Variants in SLC22A15 observed in about 807,000 individuals in gnomAD.
SLC22A15 encodes the protein solute carrier family 22 member 15.
SLC22A15 carries 45 observed loss-of-function variants against 62.7 expected under a neutral mutation model. That is an observed-to-expected ratio of 0.72 (90% CI 0.56 to 0.92). SLC22A15 has a LOEUF of 0.92. Ranked by LOEUF, SLC22A15 falls within the 40% of genes least tolerant of loss-of-function variation. The pLI, the probability that SLC22A15 is intolerant of heterozygous loss-of-function variation, is 0.00. For missense variants in SLC22A15, 622 were observed against 665.6 expected, an observed-to-expected ratio of 0.93 and a Z score of 0.72; for synonymous variants, 264 against 267.0, an observed-to-expected ratio of 0.99 and a Z score of 0.11.
At chr1:116,048,274 A>G (rs1397361960) in intron 8 of SLC22A15, among the ~76,000 whole-genome samples, 1 of 152,198 alleles carries the variant, frequency 6.6e-6, no homozygotes, top group Non-Finnish European at 1.5e-5. Context: ...ACCTAGGCCC[A>G]TTGTCATCAG....
chr1:116,038,792 A>G (rs1255579022), intron 8 of SLC22A15, among the ~76,000 whole-genome samples: 1 of 151,896 alleles, frequency 6.6e-6, no homozygotes, highest in African/African-American at 2.4e-5. Flanking sequence ...TTTTTTTTTT[A>G]AGCTGCAATA....
chr1:116,066,926 A>G (rs1658513768), intron 11 of SLC22A15, 93 bp from the exon 12 acceptor site: 1 of 1,068,204 alleles, frequency 9.4e-7, no homozygotes, highest in Non-Finnish European at 1.4e-6. Flanking sequence ...ATGTCATATA[A>G]ATACATTTGT....
intron 2 of SLC22A15, among the ~76,000 whole-genome samples, chr1:116,013,535 T>C (rs939710963): frequency 5.9e-5 from 9 of 152,322 alleles, no homozygotes; most frequent in Admixed American, 2.0e-4. Context: ...TATCTGGTTA[T>C]AAGATATGGC....
At chr1:115,996,071 C>T (rs1354643333) in intron 2 of SLC22A15, among the ~76,000 whole-genome samples, 6 of 152,144 alleles carry the variant, frequency 3.9e-5, no homozygotes, top group African/African-American at 9.7e-5. Flanking sequence ...TTTTCTTAAT[C>T]GCTAGTAACC....
chr1:116,020,922 CA>C, intron 4 of SLC22A15, 37 bp downstream of exon 4: 1 of 1,536,356 alleles, frequency 6.5e-7, no homozygotes, highest in Non-Finnish European at 8.8e-7. Context: ...ACTGGGTGAG[CA>C]GCTCCAGAAA....
chr1:116,020,815 T>C lies in SLC22A15; in HGVS notation c.528T>C (p.Asn176=), dbSNP rs746006479. The C allele has an allele frequency of 1.9e-5, 31 of 1,613,854 alleles. No individual in the cohort carries two copies. Among genetic ancestry groups the C allele is most frequent in the Non-Finnish European group, 2.4e-5 (28 of 1,179,806 alleles). The stretch of plus-strand genomic sequence containing the variant: ...CTCGCTTCCTGGTGGGCATGATGAA[T>C]GGAGGGATGTCGCTGGTGGCCTTTG... ...AVTRFLVGMM[N]GGMSLVAFVL... Residue 176 remains asparagine (N), a synonymous_variant, in exon 4 of 12, where the codon AAT becomes AAC. Coordinates refer to ENST00000369503, the MANE Select transcript of SLC22A15 (RefSeq NM_018420.3).
chr1:116,061,244 G>A (rs1658372105), intron 8 of SLC22A15, among the ~76,000 whole-genome samples: 2 of 152,202 alleles, frequency 1.3e-5, no homozygotes, highest in African/African-American at 4.8e-5. Flanking sequence ...CAGCCACAAG[G>A]CAGTGTCTGA....
chr1:115,994,032 A>G (rs1655295371), intron 2 of SLC22A15, among the ~76,000 whole-genome samples: 1 of 152,080 alleles, frequency 6.6e-6, no homozygotes, highest in Admixed American at 6.6e-5. Flanking sequence ...CCAGGAGAAA[A>G]TACGCTTTTG....
At chr1:115,994,680 C>T (rs995320702) in intron 2 of SLC22A15, among the ~76,000 whole-genome samples, 3 of 152,170 alleles carry the variant, frequency 2.0e-5, no homozygotes, top group African/African-American at 7.2e-5. Context: ...TTTTCCTAAG[C>T]CATTTGAAAG....
chr1:115,979,229 G>T (rs1384170111), intron 1 of SLC22A15, among the ~76,000 whole-genome samples: 1 of 152,154 alleles, frequency 6.6e-6, no homozygotes, highest in Non-Finnish European at 1.5e-5. Flanking sequence ...CTGTTTTCTT[G>T]AATTATTGGT....
At chr1:115,988,796 G>T (rs1357873786) in intron 1 of SLC22A15, among the ~76,000 whole-genome samples, 1 of 151,812 alleles carries the variant, frequency 6.6e-6, no homozygotes, top group East Asian at 1.9e-4. Flanking sequence ...GCCTCCCAAA[G>T]TCCTGGGATT....
intron 2 of SLC22A15, among the ~76,000 whole-genome samples, chr1:116,006,316 G>A (rs1351940249): frequency 6.6e-6 from 1 of 152,118 alleles, no homozygotes; most frequent in African/African-American, 2.4e-5. Flanking sequence ...CTCCTATGCT[G>A]ACTTCTAGGA....
At chr1:116,018,253 T>C (rs759999126) in intron 2 of SLC22A15, among the ~76,000 whole-genome samples, 1 of 152,228 alleles carries the variant, frequency 6.6e-6, no homozygotes, top group Admixed American at 6.5e-5. Context: ...CTCATATAAA[T>C]AGAATCATGC....
intron 7 of SLC22A15, among the ~76,000 whole-genome samples, 169 bp downstream of exon 7, chr1:116,035,496 T>C (rs767554977): frequency 1.4e-4 from 22 of 152,338 alleles, no homozygotes; most frequent in Non-Finnish European, 2.9e-4. Flanking sequence ...AGAATTCATT[T>C]CTTAGTGCAG....
At chr1:115,990,586 T>C (rs1043471841) in intron 1 of SLC22A15, among the ~76,000 whole-genome samples, 8 of 152,134 alleles carry the variant, frequency 5.3e-5, no homozygotes, top group African/African-American at 1.7e-4. Flanking sequence ...CCAGGAAACA[T>C]ATAAGTCTAG....
intron 4 of SLC22A15, among the ~76,000 whole-genome samples, chr1:116,026,405 G>A (rs1283572320): frequency 4.6e-5 from 7 of 151,400 alleles, no homozygotes; most frequent in East Asian, 3.9e-4. Context: ...CAGCCTGGGC[G>A]ACAGAGCGAG....
chr1:116,065,177 CT>C (rs1242485945), intron 10 of SLC22A15, among the ~76,000 whole-genome samples: 1 of 152,140 alleles, frequency 6.6e-6, no homozygotes, highest in African/African-American at 2.4e-5. Context: ...ACAGCCAAGA[CT>C]TTTTGAAAGC....
intron 8 of SLC22A15, among the ~76,000 whole-genome samples, chr1:116,037,973 G>C (rs1216642009): frequency 6.6e-6 from 1 of 152,218 alleles, no homozygotes; most frequent in African/African-American, 2.4e-5. Context: ...CTTCAAGAAG[G>C]ATCCCTTTAG....
intron 8 of SLC22A15, among the ~76,000 whole-genome samples, chr1:116,056,064 T>C (rs80213658): frequency 8.1e-6 from 1 of 123,608 alleles, no homozygotes; most frequent in African/African-American, 3.2e-5. Flanking sequence ...AGGGCAATTA[T>C]GCAGGAGAAG....
Sources: gnomAD v4.1 joint callset for allele counts (sites outside exome capture counted in the v4.1 genomes callset) on GRCh38, gnomAD v4.1.1 for gene constraint, MANE v1.5 for transcripts, NCBI Gene and HGNC (gene_info 2026-07-23, HGNC 2026-07-21) for gene names.